Variants in E2F4 observed in about 807,000 individuals in gnomAD.
E2F4 encodes the protein transcription factor E2F4.
E2F4 carries 16 observed loss-of-function variants against 44.5 expected under a neutral mutation model. That is an observed-to-expected ratio of 0.36 (90% CI 0.24 to 0.55). E2F4 has a LOEUF of 0.55. E2F4 is among the 20% of genes least tolerant of loss of function. The pLI is 0.87. For missense variants in E2F4, 473 were observed against 522.1 expected (o/e 0.91, Z 0.92); for synonymous variants, 242 against 207.2 (o/e 1.17, Z -1.44).
intron 6 of E2F4, chr16:67,195,575 C>T: frequency 9.3e-7 from 1 of 1,075,800 alleles, no homozygotes; most frequent in East Asian, 2.6e-5. Flanking sequence ...ACATGTTGAC[C>T]ACGAGTCTTC....
intron 6 of E2F4, 139 bp from the exon 7 acceptor site, chr16:67,195,643 G>T: frequency 6.7e-7 from 1 of 1,496,862 alleles, no homozygotes. Flanking sequence ...TACTTCCTCT[G>T]GGGGTGACTG....
In E2F4 at chr16:67,194,245, T is replaced by G. The variant is rs958450285; in HGVS notation, c.452-153T>G. On this transcript the variant is annotated intron_variant, in intron 4 of 9. Transcript: ENST00000379378. ...CTGGGCTCTCAGGAAGAGAAGAGCT[T>G]TAGCTCTGCCTGGCCACTATGGGGG... is the stretch of plus-strand genomic sequence containing the variant. 4.0e-6 allele frequency: 3 copies of G among 741,954 alleles called. No individual in the cohort carries two copies. The African/African-American group carries it at 5.3e-5, about 13-fold the overall frequency. 46.0% of individuals were successfully genotyped at this position (741,954 alleles called of 1,614,324 possible). A position where few individuals can be genotyped will look rare whatever the true frequency, so the allele number is the denominator to read the frequency against.
rs1421541989 is a variant in E2F4 at position 67,192,811 on chromosome 16, C to T, written c.186C>T (p.Thr62=). ...AGAAGCGGCGGATTTACGACATTAC[C>T]AATGTTTTGGAAGGTATCGGGCTAA... ...VRQKRRIYDI[T]NVLEGIGLIE... The change falls in exon 2 of 10, where the codon ACC becomes ACT. Residue 62 remains threonine, a synonymous_variant. Coordinates refer to ENST00000379378, the MANE Select transcript of E2F4 (RefSeq NM_001950.4). 1 of 1,612,956 alleles carries T rather than the reference C, an allele frequency of 6.2e-7. No individual in the cohort carries two copies. Among genetic ancestry groups the T allele is most frequent in the Non-Finnish European group, 8.5e-7 (1 of 1,179,540 alleles).
chr16:67,198,046 G>C lies in E2F4; in HGVS notation c.1165G>C (p.Asp389His), dbSNP rs1350828593. The change falls in exon 10 of 10, where the codon GAC (aspartate) becomes CAC (histidine). Residue 389 changes from aspartate to histidine, a missense_variant. This residue lies in a region of E2F4 where 314 missense variants were observed against 315.6 expected (regional missense o/e 0.99). Transcript: ENST00000379378. ...GCTTCGTCTTTCTCCACCCCCGGGA[G>C]ACCACGATTATATCTACAACCTGGA... Reference protein sequence around the residue: ...PLLRLSPPPGDHDYIYNLDES... With the variant: ...PLLRLSPPPGHHDYIYNLDES... 1.2e-6 allele frequency: 2 copies of C among 1,614,124 alleles called. No homozygotes were observed. Among genetic ancestry groups the C allele is most frequent in the South Asian group, 2.2e-5 (2 of 91,082 alleles).
In E2F4 at chr16:67,198,222, A is replaced by G. The variant is rs1243794299; in HGVS notation, c.*99A>G. ...CCGACCCCTACAGAGCTTGAGAGCC[A>G]CAGACGCCTGGCTTCTCCGGCCTCC... On this transcript the variant is annotated 3_prime_UTR_variant, in exon 10 of 10. Coordinates refer to ENST00000379378, the MANE Select transcript of E2F4 (RefSeq NM_001950.4). 9.3e-7 allele frequency: 1 copy of G among 1,070,484 alleles called. No homozygotes were observed. 66.3% of individuals were successfully genotyped at this position (1,070,484 alleles called of 1,614,324 possible).
intron 4 of E2F4, 53 bp downstream of exon 4, chr16:67,193,568 C>T: frequency 1.3e-6 from 2 of 1,587,370 alleles, no homozygotes; most frequent in Non-Finnish European, 1.7e-6. Context: ...AGCCAAAGTC[C>T]TGAGCACTGG....
intron 7 of E2F4, 72 bp downstream of exon 7, chr16:67,196,078 T>C (rs1259598793): frequency 3.8e-6 from 6 of 1,595,704 alleles, no homozygotes; most frequent in Non-Finnish European, 1.7e-6. Context: ...GAAAACAGAA[T>C]TGGGGATGGA....
Position 67,195,890 on chromosome 16 carries a change from ACAG to A in E2F4, c.956_958del (p.Ser319del), listed in dbSNP as rs3830472. On this transcript the variant is annotated inframe_deletion, in exon 7 of 10. Coordinates refer to ENST00000379378, the MANE Select transcript of E2F4 (RefSeq NM_001950.4). ...CCACTGCAGTCTTCTGCCCTGCTGG[ACAG>A]CAGCAGCAGCAGCAGCAGCAGCAGC... 28,311 of 1,250,328 alleles carry A rather than the reference ACAG, an allele frequency of 0.023. 8 individuals are homozygous for A. The highest frequency in any genetic ancestry group is 0.055 in the East Asian group (1,353 of 24,670). The allele number at this position is 1,250,328 out of a possible 1,614,324, so 77.5% of individuals were successfully genotyped here. A position where few individuals can be genotyped will look rare whatever the true frequency, so the allele number is the denominator to read the frequency against.
Position 67,194,824 on chromosome 16 carries a change from A to G in E2F4, c.652A>G (p.Ser218Gly), listed in dbSNP as rs145869946. ...GCCACCACCTGAAGATTTGCTCCAGAGCCCATCTGCTGTTTCTACACCTCC... is the reference window on the plus strand; with the variant it reads ...GCCACCACCTGAAGATTTGCTCCAGGGCCCATCTGCTGTTTCTACACCTCC... ...PVPPPEDLLQSPSAVSTPPPL... is the reference protein window; with the variant it reads ...PVPPPEDLLQGPSAVSTPPPL... Residue 218 changes from serine to glycine, a missense_variant, in exon 6 of 10, where the codon AGC becomes GGC. Physicochemically the swap from Ser to Gly is moderately conservative, Grantham distance 56. Coordinates refer to ENST00000379378, the MANE Select transcript of E2F4 (RefSeq NM_001950.4). 2.0e-5 allele frequency: 33 copies of G among 1,614,020 alleles called. No individual in the cohort carries two copies. Among genetic ancestry groups the G allele is most frequent in the Non-Finnish European group, 2.5e-5 (30 of 1,180,028 alleles).
At position 67,198,417 on chromosome 16, in the gene E2F4, C is replaced by T. The variant is rs956279824; in HGVS notation, c.*294C>T. 4.7e-5 allele frequency: 19 copies of T among 402,298 alleles called. No individual in the cohort carries two copies. The highest frequency in any genetic ancestry group is 7.9e-5 in the Non-Finnish European group (17 of 216,434). 24.9% of individuals were successfully genotyped at this position (402,298 alleles called of 1,614,324 possible). A position where few individuals can be genotyped will look rare whatever the true frequency, so the allele number is the denominator to read the frequency against. On this transcript the variant is annotated 3_prime_UTR_variant, in exon 10 of 10. Transcript: ENST00000379378. Reference sequence around the variant, plus strand: ...CGGCTGCCACCCAGTGGCACAGAACCGAGGAGCTGCCATTACCCCCCATAG... The same window carrying T: ...CGGCTGCCACCCAGTGGCACAGAACTGAGGAGCTGCCATTACCCCCCATAG...
intron 7 of E2F4, among the ~76,000 whole-genome samples, chr16:67,196,958 C>T (rs2032978920): frequency 6.6e-6 from 1 of 152,336 alleles, no homozygotes; most frequent in Non-Finnish European, 1.5e-5. Flanking sequence ...CACCTCTGTC[C>T]TGGATTCTTC....
rs536309639 is a variant in E2F4 at position 67,198,039 on chromosome 16, C to G, written c.1158C>G (p.Pro386=). 7 of 1,614,136 alleles carry G rather than the reference C, an allele frequency of 4.3e-6. No homozygotes were observed. The highest frequency in any genetic ancestry group is 5.9e-6 in the Non-Finnish European group (7 of 1,180,004). The change falls in exon 10 of 10, where the codon CCC becomes CCG. Residue 386 remains proline (P), a synonymous_variant. Transcript: ENST00000379378. ...VFAPLLRLSP[P]PGDHDYIYNL... ...CCCCTCTGCTTCGTCTTTCTCCACC[C>G]CCGGGAGACCACGATTATATCTACA...
At chr16:67,192,536 A>G in intron 1 of E2F4, 174 bp downstream of exon 1, 1 of 1,096,882 alleles carries the variant, frequency 9.1e-7, no homozygotes, top group African/African-American at 1.6e-5. Flanking sequence ...CCATCGAGCT[A>G]CAGCTATGGG....
chr16:67,196,620 GGGT>G (rs2032973640), intron 7 of E2F4, among the ~76,000 whole-genome samples: 1 of 152,132 alleles, frequency 6.6e-6, no homozygotes, highest in Non-Finnish European at 1.5e-5. Flanking sequence ...CTGCAGCTCT[GGGT>G]GAACGAATCC....
At chr16:67,197,554 C>T (rs2032990778) in intron 7 of E2F4, 45 bp from the exon 8 acceptor site, 1 of 1,609,744 alleles carries the variant, frequency 6.2e-7, no homozygotes, top group South Asian at 1.1e-5. Context: ...GTAGTGGGGC[C>T]AGGCTGGACC....
chr16:67,192,394 G>T (rs755418911), intron 1 of E2F4, 32 bp downstream of exon 1: 7 of 1,411,784 alleles, frequency 5.0e-6, no homozygotes, highest in Non-Finnish European at 6.5e-6. Flanking sequence ...GACAAGGGAG[G>T]CTGGTGGACC....
chr16:67,197,329 G>A (rs1167118306), intron 7 of E2F4, among the ~76,000 whole-genome samples: 1 of 152,198 alleles, frequency 6.6e-6, no homozygotes. Flanking sequence ...TGCATGCTGA[G>A]CCCAGAAAGA....
At chr16:67,197,251 T>C (rs1202043519) in intron 7 of E2F4, among the ~76,000 whole-genome samples, 10 of 152,188 alleles carry the variant, frequency 6.6e-5, no homozygotes, top group Admixed American at 2.6e-4. Flanking sequence ...GGGTCTGGTC[T>C]CAGTCTTGCA....
chr16:67,192,500 G>C lies in E2F4; in HGVS notation c.135+138G>C. 3 of 1,262,578 alleles carry C rather than the reference G, an allele frequency of 2.4e-6. No homozygotes were observed. In the South Asian group the frequency reaches 5.5e-5, roughly 23 times the overall value. The allele number at this position is 1,262,578 out of a possible 1,614,324, so 78.2% of individuals were successfully genotyped here. The stretch of plus-strand genomic sequence containing the variant: ...TGCTTTCTCACAGGAGAGAAGCCGG[G>C]GGATGTTTCATTCATTCGGCCGAGG... On this transcript the variant is annotated intron_variant, in intron 1 of 9. Coordinates refer to ENST00000379378, the MANE Select transcript of E2F4 (RefSeq NM_001950.4).
Sources: allele counts gnomAD v4.1 joint callset (sites outside exome capture counted in the v4.1 genomes callset), GRCh38; gene constraint gnomAD v4.1.1; regional missense constraint gnomAD v4.1.1; transcripts MANE v1.5; gene names NCBI Gene and HGNC (gene_info 2026-07-23, HGNC 2026-07-21).